FHOD1: variants seen among roughly 807,000 people sequenced by gnomAD.
FHOD1 encodes the protein formin homology 2 domain containing 1, also known as FH1/FH2 domain-containing protein 1.
Under a neutral mutation model 111.6 loss-of-function variants are expected in FHOD1, and 89 were observed. That is an observed-to-expected ratio of 0.80 (90% CI 0.67 to 0.95). The LOEUF (loss-of-function observed/expected upper bound fraction) is 0.95, where lower values mean the gene tolerates loss of function less well. FHOD1 is among the 40% of genes least tolerant of loss of function. The pLI is 0.00. For synonymous variants in FHOD1, 618 were observed against 639.0 expected (o/e 0.97, Z 0.50); for missense variants, 1,446 against 1,554.2 (o/e 0.93, Z 1.17).
rs754484700 is a variant in FHOD1, at chr16:67,238,926, G to A, written c.350C>T (p.Ser117Phe). 1.2e-6 allele frequency: 2 copies of A among 1,614,094 alleles called. No homozygotes were observed. Among genetic ancestry groups the A allele is most frequent in the East Asian group, 4.5e-5 (2 of 44,902 alleles). The part of the protein sequence containing the change: ...KPTLILRTQL[S>F]VRVNAILEKL... Reference sequence around the variant, plus strand: ...ACCCAAGATAGCGTTGACCCTCACAGAGAGCTGGGTCCGAAGGATCAGCGT... The same window carrying A: ...ACCCAAGATAGCGTTGACCCTCACAAAGAGCTGGGTCCGAAGGATCAGCGT... The change falls in exon 3 of 22, where the codon TCT (serine) becomes TTT (phenylalanine). Residue 117 changes from serine (S) to phenylalanine (F), a missense_variant. This residue lies in a region of FHOD1 where 234 missense variants were observed against 327.4 expected (regional missense o/e 0.71). Coordinates refer to ENST00000258201, the MANE Select transcript of FHOD1 (RefSeq NM_013241.3). The surrounding 1 kb of genome is among the most constrained non-coding windows in gnomAD (Gnocchi z 4.2).
At position 67,237,513 on chromosome 16, in the gene FHOD1, G is replaced by C. The variant is rs1228715854; in HGVS notation, c.811C>G (p.Pro271Ala). 4 of 1,614,022 alleles carry C rather than the reference G, an allele frequency of 2.5e-6. No homozygotes were observed. In the Admixed American group the frequency reaches 6.7e-5, roughly 27 times the overall value. ...GTGACCGTGTACACCAACAACTCAG[G>C]GTCAGCGCCATTCTTCTCCTCCAGG... ...SILEEKNGAD[P>A]ELLVYTVTLI... The change falls in exon 8 of 22, where the codon CCT becomes GCT. Residue 271 changes from proline (P) to alanine (A), a missense_variant. By Grantham distance (27) the Pro-to-Ala change is conservative. Transcript: ENST00000258201. This position sits in a 1 kb window ranked among gnomAD's most constrained non-coding sequence, Gnocchi z 5.6.
At chr16:67,232,813 A>C (rs557038275) in intron 13 of FHOD1, among the ~76,000 whole-genome samples, 1 of 149,174 alleles carries the variant, frequency 6.7e-6, no homozygotes, top group South Asian at 2.1e-4. Flanking sequence ...ACCATACCCA[A>C]CTATTTTTTT....
rs373646838 is a variant in FHOD1, at chr16:67,237,620, C to T, written c.754+37G>A. The T allele has an allele frequency of 5.6e-6, 9 of 1,613,178 alleles. No individual in the cohort carries two copies. In the African/African-American group the frequency reaches 9.3e-5, roughly 17 times the overall value. Reference sequence around the variant, plus strand: ...ATGGGGGAACAGGTAGGAGAGAGGGCTCTGAGCGGTGGGGGGAGAAAGGGA... The same window carrying T: ...ATGGGGGAACAGGTAGGAGAGAGGGTTCTGAGCGGTGGGGGGAGAAAGGGA... On this transcript the variant is annotated intron_variant, in intron 7 of 21. Transcript: ENST00000258201. The surrounding 1 kb of genome is among the most constrained non-coding windows in gnomAD (Gnocchi z 5.6).
In FHOD1 at chr16:67,238,331, AG is replaced by A; in HGVS notation, c.442-25del. The stretch of plus-strand genomic sequence containing the variant: ...TCCTAGAGGCACCATGGGGGAGTTT[AG>A]GGAAGCTTGGGCTACACACTTACCC... On this transcript the variant is annotated intron_variant, in intron 4 of 21. Coordinates refer to ENST00000258201, the MANE Select transcript of FHOD1 (RefSeq NM_013241.3). This position sits in a 1 kb window ranked among gnomAD's most constrained non-coding sequence, Gnocchi z 4.2. 1 of 1,614,064 alleles carries A rather than the reference AG, an allele frequency of 6.2e-7. No individual in the cohort carries two copies.
chr16:67,242,953 A>T (rs183933483), intron 1 of FHOD1, among the ~76,000 whole-genome samples: 1,698 of 151,230 alleles, frequency 0.011, 12 homozygotes, highest in Non-Finnish European at 0.016. Flanking sequence ...TTGATAATTT[A>T]TATATATAGC....
At chr16:67,234,551 C>A in intron 11 of FHOD1, 79 bp from the exon 12 acceptor site, 1 of 1,265,024 alleles carries the variant, frequency 7.9e-7, no homozygotes, top group Non-Finnish European at 1.1e-6. Flanking sequence ...CCCCTGGACA[C>A]CACCCCCAAT....
At chr16:67,236,032 C>T in intron 11 of FHOD1, 1 of 984,870 alleles carries the variant, frequency 1.0e-6, no homozygotes, top group Non-Finnish European at 1.2e-6. Context: ...CTGGCCTGCC[C>T]AGGAGGGGAC....
chr16:67,234,739 T>TCGGCAGCG, intron 11 of FHOD1: 1 of 456,928 alleles, frequency 2.2e-6, no homozygotes, highest in Non-Finnish European at 3.9e-6. Flanking sequence ...TGCAACCTCG[T>TCGGCAGCG]TCATGTTCAC....
At position 67,233,753 on chromosome 16, in the gene FHOD1, G is replaced by A. The variant is rs757633491; in HGVS notation, c.1950C>T (p.Cys650=). The A allele has an allele frequency of 5.5e-5, 88 of 1,613,792 alleles. No homozygotes were observed. Among genetic ancestry groups the A allele is most frequent in the Non-Finnish European group, 7.0e-5 (83 of 1,179,970 alleles). ...GGTCCAGTGAAGCCCAGAGGGTGGC[G>A]CAGGGCCCAAAGCGGCTTGCAGAGA... The part of the protein sequence containing the change: ...HGVSASRFGP[C]ATLWASLDPV... Residue 650 remains cysteine (C), a synonymous_variant, in exon 13 of 22, where the codon TGC becomes TGT. Coordinates refer to ENST00000258201, the MANE Select transcript of FHOD1 (RefSeq NM_013241.3).
intron 1 of FHOD1, among the ~76,000 whole-genome samples, chr16:67,243,214 A>G (rs868233779): frequency 2.6e-5 from 4 of 151,994 alleles, no homozygotes; most frequent in Non-Finnish European, 5.9e-5. Context: ...TCCTATAAAC[A>G]CAGGACCCTG....
chr16:67,233,547 C>T, intron 13 of FHOD1, 110 bp downstream of exon 13: 1 of 1,412,898 alleles, frequency 7.1e-7, no homozygotes, highest in Non-Finnish European at 9.4e-7. Flanking sequence ...CCTTTCTTTG[C>T]CTTGGTTTCC....
chr16:67,246,228 C>T (rs1406456634), intron 1 of FHOD1, among the ~76,000 whole-genome samples: 1 of 152,182 alleles, frequency 6.6e-6, no homozygotes, highest in Non-Finnish European at 1.5e-5. Flanking sequence ...TTACGCAACT[C>T]GCCGCCCAGC....
At chr16:67,236,839 G>A in intron 10 of FHOD1, 106 bp from the exon 11 acceptor site, 2 of 1,395,880 alleles carry the variant, frequency 1.4e-6, no homozygotes, top group Non-Finnish European at 1.9e-6. Flanking sequence ...CGGTAGGGCA[G>A]GCCCAGTGGA....
chr16:67,230,292 T>TA (rs2034205095), intron 19 of FHOD1, 22 bp downstream of exon 19: 4 of 1,613,812 alleles, frequency 2.5e-6, no homozygotes, highest in Non-Finnish European at 2.5e-6. Flanking sequence ...CAGTCAAGAC[T>TA]AAGACCTGGA....
chr16:67,237,426 G>A lies in FHOD1; in HGVS notation c.850-44C>T, dbSNP rs1349903352. The A allele has an allele frequency of 6.2e-7, 1 of 1,614,050 alleles. No homozygotes were observed. The highest frequency in any genetic ancestry group is 8.5e-7 in the Non-Finnish European group (1 of 1,179,900). Reference sequence around the variant, plus strand: ...AAGGCAAGGCTGAGGTTGGTGGGGAGGTCAGGAGCCTGAGCATCCCAGAGC... The same window carrying A: ...AAGGCAAGGCTGAGGTTGGTGGGGAAGTCAGGAGCCTGAGCATCCCAGAGC... On this transcript the variant is annotated intron_variant, in intron 8 of 21. Coordinates refer to ENST00000258201, the MANE Select transcript of FHOD1 (RefSeq NM_013241.3). The surrounding 1 kb of genome is among the most constrained non-coding windows in gnomAD (Gnocchi z 5.6).
At position 67,229,476 on chromosome 16, in the gene FHOD1, A is replaced by G. The variant is rs1455402122; in HGVS notation, c.*160T>C. On this transcript the variant is annotated 3_prime_UTR_variant, in exon 22 of 22. Coordinates refer to ENST00000258201, the MANE Select transcript of FHOD1 (RefSeq NM_013241.3). The stretch of plus-strand genomic sequence containing the variant: ...TGCATATGCATGCACACACACACAT[A>G]CACACACACTCACATGCATACACAC... 1.5e-6 allele frequency: 1 copy of G among 668,652 alleles called. No individual in the cohort carries two copies. The highest frequency in any genetic ancestry group is 2.7e-6 in the Non-Finnish European group (1 of 369,946). The allele number at this position is 668,652 out of a possible 1,614,324, so 41.4% of individuals were successfully genotyped here. A position where few individuals can be genotyped will look rare whatever the true frequency, so the allele number is the denominator to read the frequency against.
At position 67,247,417 on chromosome 16, in the gene FHOD1, G is replaced by A; in HGVS notation, c.-7C>T. On this transcript the variant is annotated 5_prime_UTR_variant, in exon 1 of 22. Coordinates refer to ENST00000258201, the MANE Select transcript of FHOD1 (RefSeq NM_013241.3). ...GGTCTTCCCCGCCCGCCATGGCTCT[G>A]CGGCCGGCTCACGCAGCGCGCCTCC... 1.1e-5 allele frequency: 17 copies of A among 1,612,030 alleles called. No homozygotes were observed. The highest frequency in any genetic ancestry group is 1.4e-5 in the Non-Finnish European group (17 of 1,179,306).
Position 67,230,711 on chromosome 16 carries a change from C to A in FHOD1, c.2748G>T (p.Leu916Phe), listed in dbSNP as rs891440219. The A allele has an allele frequency of 1.2e-6, 2 of 1,613,636 alleles. No individual in the cohort carries two copies. The highest frequency in any genetic ancestry group is 2.2e-5 in the East Asian group (1 of 44,890). The change falls in exon 18 of 22, where the codon TTG (leucine) becomes TTT (phenylalanine). Residue 916 changes from leucine (L) to phenylalanine (F), a missense_variant. Around this residue, in one of 3 missense-constraint regions of FHOD1, gnomAD observed 1,085 missense variants for 1,108.8 expected, o/e 0.98. Transcript: ENST00000258201. ...SRAAEESLRSLAKHELAPALR... is the reference protein window; with the variant it reads ...SRAAEESLRSFAKHELAPALR... ...GGGCTGGGGCCAGCTCATGCTTGGC[C>A]AAGCTCCGCAGGCTCTCCTCGGCTG...
chr16:67,229,517 C>T lies in FHOD1; in HGVS notation c.*119G>A. 3.4e-6 allele frequency: 3 copies of T among 876,700 alleles called. No individual in the cohort carries two copies. In the South Asian group the frequency reaches 4.2e-5, roughly 12 times the overall value. 54.3% of individuals were successfully genotyped at this position (876,700 alleles called of 1,614,324 possible). The stretch of plus-strand genomic sequence containing the variant: ...GCATACACACACGGCTAATACTGCT[C>T]AAGGCATGGCTCCTGGGCACAGAGT... On this transcript the variant is annotated 3_prime_UTR_variant, in exon 22 of 22. Coordinates refer to ENST00000258201, the MANE Select transcript of FHOD1 (RefSeq NM_013241.3).
Sources: gnomAD v4.1 joint callset for allele counts (sites outside exome capture counted in the v4.1 genomes callset) on GRCh38, gnomAD v4.1.1 for gene constraint, gnomAD v4.1.1 regional missense constraint, Gnocchi (gnomAD v3.1) non-coding constraint, MANE v1.5 for transcripts, NCBI Gene and HGNC (gene_info 2026-07-23, HGNC 2026-07-21) for gene names.